The following PDE4B variants were observed in gnomAD, a reference collection of about 807,000 sequenced individuals.
PDE4B encodes the protein phosphodiesterase 4B, also known as 3',5'-cyclic-AMP phosphodiesterase 4B.
In PDE4B, 20 loss-of-function variants were observed where a neutral mutation model predicts 82.2. The ratio of observed to expected loss-of-function variants is 0.24; its 90% CI spans 0.17 to 0.35. PDE4B has a LOEUF of 0.35. Among genes scored for constraint, PDE4B ranks in the 10% least tolerant of loss-of-function variants. PDE4B has a pLI of 1.00. For synonymous variants in PDE4B, 320 were observed against 318.9 expected, an observed-to-expected ratio of 1.00 and a Z score of -0.04; for missense variants, 655 against 907.2, an observed-to-expected ratio of 0.72 and a Z score of 3.57.
intron 3 of PDE4B, among the ~76,000 whole-genome samples, chr1:66,161,106 A>G (rs1646603931): frequency 6.6e-6 from 1 of 152,176 alleles, no homozygotes; most frequent in South Asian, 2.1e-4. Context: ...TTGAAAACGC[A>G]TTATTTTGGA....
intron 1 of PDE4B, among the ~76,000 whole-genome samples, chr1:65,904,402 T>C (rs1055235678): frequency 6.6e-6 from 1 of 152,224 alleles, no homozygotes; most frequent in Admixed American, 6.5e-5. Flanking sequence ...TTATGCTTTT[T>C]AAGTTATGTT....
intron 3 of PDE4B, among the ~76,000 whole-genome samples, chr1:66,005,335 C>G (rs970713627): frequency 6.6e-6 from 1 of 151,970 alleles, no homozygotes; most frequent in Non-Finnish European, 1.5e-5. Context: ...GCTCATATAA[C>G]CAATATATAA....
intron 8 of PDE4B, among the ~76,000 whole-genome samples, chr1:66,333,888 A>T (rs569001325): frequency 6.6e-6 from 1 of 152,326 alleles, no homozygotes; most frequent in East Asian, 1.9e-4. Flanking sequence ...GGGAAAAAAA[A>T]AGAAAAGAAC....
At position 66,020,008 on chromosome 1, in the gene PDE4B, A is replaced by G. The variant is rs546830249; in HGVS notation, c.281+101173A>G. On this transcript the variant is annotated intron_variant, in intron 3 of 16. Transcript: ENST00000341517. Reference sequence around the variant, plus strand: ...GTTACTCATGACAGAGACCTGTATGAGACTGTGTACATAGAAGTCAAAGAA... The same window carrying G: ...GTTACTCATGACAGAGACCTGTATGGGACTGTGTACATAGAAGTCAAAGAA... Among the ~76,000 whole-genome samples, 8 of 152,344 alleles carry G rather than the reference A, an allele frequency of 5.3e-5. No homozygotes were observed. In the South Asian group the frequency reaches 1.7e-3, roughly 32 times the overall value.
intron 1 of PDE4B, among the ~76,000 whole-genome samples, chr1:65,798,238 C>CTTTTTTTT (rs781315273): frequency 8.8e-5 from 2 of 22,670 alleles, no homozygotes; most frequent in Non-Finnish European, 1.3e-4. Context: ...CCAGGCTAGT[C>CTTTTTTTT]TTTTTTTTTT....
At chr1:66,197,045 A>G (rs1327490893) in intron 3 of PDE4B, among the ~76,000 whole-genome samples, 1 of 152,158 alleles carries the variant, frequency 6.6e-6, no homozygotes, top group African/African-American at 2.4e-5. Flanking sequence ...CCAATTTGAA[A>G]ACAGGCAAAT....
intron 3 of PDE4B, among the ~76,000 whole-genome samples, chr1:66,223,899 C>A (rs929767675): frequency 6.6e-5 from 10 of 152,208 alleles, no homozygotes; most frequent in Admixed American, 6.5e-4. Flanking sequence ...CTGACTCACT[C>A]TTTGTCTCCG....
chr1:66,263,135 A>C (rs1654807249), intron 6 of PDE4B, among the ~76,000 whole-genome samples: 1 of 152,252 alleles, frequency 6.6e-6, no homozygotes, highest in African/African-American at 2.4e-5. Flanking sequence ...TCATTGCTTA[A>C]ATTTCTCATA....
chr1:65,808,454 G>A (rs1348071125), intron 1 of PDE4B, among the ~76,000 whole-genome samples: 1 of 152,160 alleles, frequency 6.6e-6, no homozygotes, highest in African/African-American at 2.4e-5. Flanking sequence ...ACAGGCATGA[G>A]CCATTATCCT....
intron 3 of PDE4B, among the ~76,000 whole-genome samples, chr1:66,004,185 G>A (rs933284264): frequency 2.0e-5 from 3 of 152,102 alleles, no homozygotes; most frequent in African/African-American, 7.2e-5. Flanking sequence ...TATAATCCCT[G>A]GCCAATGGCA....
chr1:66,233,030 C>A (rs1199246096), intron 3 of PDE4B, among the ~76,000 whole-genome samples: 2 of 152,048 alleles, frequency 1.3e-5, no homozygotes, highest in Non-Finnish European at 2.9e-5. Context: ...TTAAAGTGTA[C>A]AATTCAGACA....
intron 7 of PDE4B, among the ~76,000 whole-genome samples, chr1:66,285,453 T>A (rs1372816585): frequency 6.6e-6 from 1 of 152,080 alleles, no homozygotes; most frequent in Non-Finnish European, 1.5e-5. Context: ...ACCCAAATAG[T>A]GAACATTGTA....
intron 7 of PDE4B, among the ~76,000 whole-genome samples, chr1:66,271,797 A>G (rs1018357976): frequency 1.3e-5 from 2 of 152,200 alleles, no homozygotes; most frequent in African/African-American, 4.8e-5. Flanking sequence ...TACACAGCCT[A>G]TCTTGATGTT....
At chr1:66,045,752 T>C (rs1348602331) in intron 3 of PDE4B, among the ~76,000 whole-genome samples, 1 of 151,780 alleles carries the variant, frequency 6.6e-6, no homozygotes, top group East Asian at 1.9e-4. Context: ...AAGATGTTCT[T>C]GAAAAGCAAA....
chr1:66,355,178 T>C (rs1225300336), intron 8 of PDE4B: 3 of 373,902 alleles, frequency 8.0e-6, no homozygotes, highest in African/African-American at 6.3e-5. Context: ...TCTCACCAAA[T>C]AGGTTATTAA....
chr1:66,328,624 C>T (rs1659897887), intron 7 of PDE4B, among the ~76,000 whole-genome samples: 1 of 152,220 alleles, frequency 6.6e-6, no homozygotes, highest in Non-Finnish European at 1.5e-5. Context: ...TTCCTCACTT[C>T]CTGTCACCTG....
intron 1 of PDE4B, among the ~76,000 whole-genome samples, chr1:65,869,838 G>A (rs984055125): frequency 6.6e-6 from 1 of 151,056 alleles, no homozygotes; most frequent in African/African-American, 2.4e-5. Flanking sequence ...TCTTTTAGTA[G>A]GAAAGATGAA....
At chr1:66,201,795 A>G (rs1648984285) in intron 3 of PDE4B, among the ~76,000 whole-genome samples, 1 of 151,918 alleles carries the variant, frequency 6.6e-6, no homozygotes, top group Non-Finnish European at 1.5e-5. Context: ...TCAAAAAACC[A>G]GCTCCTGGAT....
At chr1:66,099,002 T>C (rs1323530284) in intron 3 of PDE4B, among the ~76,000 whole-genome samples, 3 of 152,084 alleles carry the variant, frequency 2.0e-5, no homozygotes, top group Non-Finnish European at 4.4e-5. Context: ...TTGGTGAAAA[T>C]CTTGAAAATT....
Sources: gnomAD v4.1 joint callset for allele counts (sites outside exome capture counted in the v4.1 genomes callset) on GRCh38, gnomAD v4.1.1 for gene constraint, MANE v1.5 for transcripts, NCBI Gene and HGNC (gene_info 2026-07-23, HGNC 2026-07-21) for gene names.